TTF2: variants seen among roughly 807,000 people sequenced by gnomAD.
The protein encoded by TTF2 is transcription termination factor 2.
TTF2 carries 108 observed loss-of-function variants against 142.4 expected under a neutral mutation model. The observed-to-expected ratio is 0.76, with a 90% CI of 0.65 to 0.89. The LOEUF (loss-of-function observed/expected upper bound fraction) is 0.89. Among genes scored for constraint, TTF2 ranks in the 40% least tolerant of loss-of-function variants. TTF2 has a pLI of 0.00. For missense variants in TTF2, 1,327 were observed against 1,379.8 expected (o/e 0.96, Z 0.61); for synonymous variants, 483 against 506.2 (o/e 0.95, Z 0.61).
Position 117,076,005 on chromosome 1 carries a change from A to G in TTF2, c.1275+146A>G. 2.2e-6 allele frequency: 3 copies of G among 1,370,058 alleles called. No homozygotes were observed. Among genetic ancestry groups the G allele is most frequent in the East Asian group, 4.8e-5 (2 of 41,986 alleles). The allele number at this position is 1,370,058 out of a possible 1,614,324, so 84.9% of individuals were successfully genotyped here. On this transcript the variant is annotated intron_variant, in intron 5 of 22. Transcript: ENST00000369466. This position sits in a 1 kb window ranked among gnomAD's most constrained non-coding sequence, Gnocchi z 4.6. ...TCAGTTTCTGCCTTTTCCCCTATTT[A>G]TATTTTCAAGATTGGTAAGCCAGCT...
intron 19 of TTF2, 137 bp downstream of exon 19, chr1:117,095,504 T>C: frequency 2.7e-6 from 2 of 733,310 alleles, no homozygotes; most frequent in South Asian, 1.8e-5. Flanking sequence ...TTCCCTGTGA[T>C]TTCTAATTAA....
In TTF2 at chr1:117,075,575, C is replaced by G. The variant is rs376442712; in HGVS notation, c.991C>G (p.Gln331Glu). 18 of 1,614,208 alleles carry G rather than the reference C, an allele frequency of 1.1e-5. No homozygotes were observed. In the African/African-American group the frequency reaches 2.4e-4, roughly 22 times the overall value. ...SVPAPGGPAAQAAPAAPGLSL... is the reference protein window; with the variant it reads ...SVPAPGGPAAEAAPAAPGLSL... ...GCCTGCTCCTGGAGGACCAGCGGCT[C>G]AGGCTGCACCAGCAGCACCAGGGCT... is the stretch of plus-strand genomic sequence containing the variant. Residue 331 changes from glutamine to glutamate, a missense_variant, in exon 5 of 23, where the codon CAG becomes GAG. Gln to Glu is a conservative substitution (Grantham distance 29). Coordinates refer to ENST00000369466, the MANE Select transcript of TTF2 (RefSeq NM_003594.4). The surrounding 1 kb of genome is among the most constrained non-coding windows in gnomAD (Gnocchi z 4.5).
chr1:117,094,641 A>G, intron 18 of TTF2: 1 of 483,786 alleles, frequency 2.1e-6, no homozygotes, highest in Non-Finnish European at 4.3e-6. Flanking sequence ...TCTTCAGCAA[A>G]CATTAGGAGA....
chr1:117,065,381 G>A (rs1005415347), intron 3 of TTF2, among the ~76,000 whole-genome samples: 2 of 152,134 alleles, frequency 1.3e-5, no homozygotes, highest in East Asian at 1.9e-4. Flanking sequence ...GGCGGATCAC[G>A]AGGTCAGGAG....
At position 117,097,467 on chromosome 1, in the gene TTF2, G is replaced by T. The variant is rs770035129; in HGVS notation, c.3269+34G>T. ...TCCGGATTTGTCCTGGGTTGTCACA[G>T]CACATCAAGGAGGCCAGTGGGCTAC... is the stretch of plus-strand genomic sequence containing the variant. On this transcript the variant is annotated intron_variant, in intron 21 of 22. Coordinates refer to ENST00000369466, the MANE Select transcript of TTF2 (RefSeq NM_003594.4). This position sits in a 1 kb window ranked among gnomAD's most constrained non-coding sequence, Gnocchi z 4.1. 1.0e-5 allele frequency: 16 copies of T among 1,603,788 alleles called. No homozygotes were observed. In the South Asian group the frequency reaches 1.7e-4, roughly 17 times the overall value.
chr1:117,102,880 G>A lies in TTF2; in HGVS notation c.*1356G>A, dbSNP rs76402823. The A allele has an allele frequency of 6.6e-6, 1 of 152,280 alleles. No homozygotes were observed. Among genetic ancestry groups the A allele is most frequent in the East Asian group, 1.9e-4 (1 of 5,186 alleles). 9.4% of individuals were successfully genotyped at this position (152,280 alleles called of 1,614,324 possible). ...GACAGTGTAGCAGAAATAATGCTAT[G>A]TGTTCACCAAACCCACTTCCTTTTC... On this transcript the variant is annotated 3_prime_UTR_variant, in exon 23 of 23. Transcript: ENST00000369466.
intron 18 of TTF2, among the ~76,000 whole-genome samples, chr1:117,094,104 C>T (rs1001682595): frequency 3.3e-5 from 5 of 152,344 alleles, no homozygotes; most frequent in Admixed American, 2.0e-4. Context: ...TTGAATGGTA[C>T]AGTTCTGTGA....
In TTF2 at chr1:117,077,900, A is replaced by G; in HGVS notation, c.1574-16A>G. ...ATACTTGTGACATCTTTTAGGTAACACCTATTTGTATGCAGGCCATACAAA... is the reference window on the plus strand; with the variant it reads ...ATACTTGTGACATCTTTTAGGTAACGCCTATTTGTATGCAGGCCATACAAA... On this transcript the variant is annotated splice_polypyrimidine_tract_variant and intron_variant, in intron 7 of 22. Coordinates refer to ENST00000369466, the MANE Select transcript of TTF2 (RefSeq NM_003594.4). 1 of 1,613,920 alleles carries G rather than the reference A, an allele frequency of 6.2e-7. No homozygotes were observed. The highest frequency in any genetic ancestry group is 8.5e-7 in the Non-Finnish European group (1 of 1,179,846).
At chr1:117,089,045 A>G (rs938146078) in intron 13 of TTF2, 63 bp downstream of exon 13, 9 of 1,501,074 alleles carry the variant, frequency 6.0e-6, no homozygotes, top group Admixed American at 4.4e-5. Context: ...TCATTATTTC[A>G]TGTCTCATAA....
At chr1:117,089,250 C>CT (rs1557824248) in intron 13 of TTF2, among the ~76,000 whole-genome samples, 8 of 85,168 alleles carry the variant, frequency 9.4e-5, no homozygotes, top group African/African-American at 3.1e-4. Context: ...AAAATATATG[C>CT]AAATATATGC....
At chr1:117,089,154 T>G (rs1648314458) in intron 13 of TTF2, among the ~76,000 whole-genome samples, 172 bp downstream of exon 13, 1 of 151,950 alleles carries the variant, frequency 6.6e-6, no homozygotes, top group Admixed American at 6.6e-5. Context: ...AAATAGCTGT[T>G]GATTGGTTGA....
chr1:117,086,317 C>G lies in TTF2; in HGVS notation c.2055-100C>G, dbSNP rs1017790205. 4.2e-5 allele frequency: 32 copies of G among 764,260 alleles called. No individual in the cohort carries two copies. The highest frequency in any genetic ancestry group is 4.5e-6 in the Non-Finnish European group (2 of 447,966). 47.3% of individuals were successfully genotyped at this position (764,260 alleles called of 1,614,324 possible). A position where few individuals can be genotyped will look rare whatever the true frequency, so the allele number is the denominator to read the frequency against. On this transcript the variant is annotated intron_variant, in intron 11 of 22. Coordinates refer to ENST00000369466, the MANE Select transcript of TTF2 (RefSeq NM_003594.4). The surrounding 1 kb of genome is among the most constrained non-coding windows in gnomAD (Gnocchi z 4.2). ...AAGTTAATGAGTTCTGCTGTTTGTC[C>G]TTCCATTTGTAGGCATTTTTATTGA...
At chr1:117,083,709 ACCATTTCTT>A (rs1647748037) in intron 10 of TTF2, among the ~76,000 whole-genome samples, 1 of 152,200 alleles carries the variant, frequency 6.6e-6, no homozygotes, top group African/African-American at 2.4e-5. Context: ...AGTTTAAAAG[ACCATTTCTT>A]CCATTTCCTA....
chr1:117,084,272 T>A (rs1253388798), intron 11 of TTF2, 104 bp downstream of exon 11: 6 of 1,428,004 alleles, frequency 4.2e-6, no homozygotes, highest in Non-Finnish European at 5.8e-6. Context: ...AGGACGCGTA[T>A]TTGTGAAAGC....
At chr1:117,068,671 C>G (rs1371149888) in intron 3 of TTF2, among the ~76,000 whole-genome samples, 1 of 152,120 alleles carries the variant, frequency 6.6e-6, no homozygotes, top group African/African-American at 2.4e-5. Context: ...GTGTTGTTGG[C>G]TATTGGGTGA....
intron 3 of TTF2, among the ~76,000 whole-genome samples, chr1:117,072,011 TG>T (rs1656614929): frequency 6.6e-6 from 1 of 151,890 alleles, no homozygotes. Flanking sequence ...TAGCTGGAGA[TG>T]GGGGAGATGG....
rs1648657163 is a variant in TTF2 at position 117,092,181 on chromosome 1, GT to G, written c.2805+234del. On this transcript the variant is annotated intron_variant, in intron 17 of 22. Transcript: ENST00000369466. This position sits in a 1 kb window ranked among gnomAD's most constrained non-coding sequence, Gnocchi z 4.4. ...GCATCAAGAATAGTGTATTTCTATT[GT>G]TTATTTTGTTTTAGATTAACTGTTT... Among the ~76,000 whole-genome samples the G allele has an allele frequency of 6.6e-6, 1 of 152,038 alleles. No individual in the cohort carries two copies. Among genetic ancestry groups the G allele is most frequent in the Non-Finnish European group, 1.5e-5 (1 of 67,996 alleles).
rs1475559102 is a variant in TTF2 at position 117,097,572 on chromosome 1, A to G, written c.3269+139A>G. 2.4e-5 allele frequency: 19 copies of G among 807,850 alleles called. No homozygotes were observed. Among genetic ancestry groups the G allele is most frequent in the Non-Finnish European group, 4.2e-6 (2 of 473,126 alleles). The allele number at this position is 807,850 out of a possible 1,614,324, so 50.0% of individuals were successfully genotyped here. A position where few individuals can be genotyped will look rare whatever the true frequency, so the allele number is the denominator to read the frequency against. On this transcript the variant is annotated intron_variant, in intron 21 of 22. Transcript: ENST00000369466. This position sits in a 1 kb window ranked among gnomAD's most constrained non-coding sequence, Gnocchi z 4.1. ...TGCCTTGCTTTGTATGTGTCTATAG[A>G]TACAGATCTAAGCAGGGTATAGGGC...
At position 117,093,577 on chromosome 1, in the gene TTF2, T is replaced by C. The variant is rs1051054117; in HGVS notation, c.2976+676T>C. On this transcript the variant is annotated intron_variant, in intron 18 of 22. Coordinates refer to ENST00000369466, the MANE Select transcript of TTF2 (RefSeq NM_003594.4). The surrounding 1 kb of genome is among the most constrained non-coding windows in gnomAD (Gnocchi z 4.5). ...CAAAGGCTTTTTTTGAAAAAGTGTA[T>C]TAATAACTAGAAAGGTCACTTCCAG... Among the ~76,000 whole-genome samples, 2 of 152,136 alleles carry C rather than the reference T, an allele frequency of 1.3e-5. No individual in the cohort carries two copies. The highest frequency in any genetic ancestry group is 1.9e-4 in the East Asian group (1 of 5,192).
Sources: allele counts gnomAD v4.1 joint callset (sites outside exome capture counted in the v4.1 genomes callset), GRCh38; gene constraint gnomAD v4.1.1; non-coding constraint Gnocchi (gnomAD v3.1); transcripts MANE v1.5; gene names NCBI Gene and HGNC (gene_info 2026-07-23, HGNC 2026-07-21).